Variants in DIP2B observed in about 807,000 individuals in gnomAD.
The protein encoded by DIP2B is DIP2 acetate--CoA ligase B (putative).
A neutral mutation model predicts 198.0 loss-of-function variants in DIP2B; 76 were observed. The ratio of observed to expected loss-of-function variants is 0.38; its 90% confidence interval spans 0.32 to 0.46. The LOEUF is 0.46. Ranked by LOEUF, DIP2B falls within the 20% of genes least tolerant of loss-of-function variation. DIP2B has a pLI of 0.99. For missense variants in DIP2B, 1,559 were observed against 1,978.4 expected, an observed-to-expected ratio of 0.79 and a Z score of 4.02; for synonymous variants, 701 against 739.1, an observed-to-expected ratio of 0.95 and a Z score of 0.84.
intron 1 of DIP2B, among the ~76,000 whole-genome samples, chr12:50,528,263 C>T (rs1958185692): frequency 6.8e-6 from 1 of 147,950 alleles, no homozygotes. Context: ...GATTTAGTGT[C>T]TCAGTGTCCT....
chr12:50,574,701 G>C (rs1253134797), intron 1 of DIP2B, among the ~76,000 whole-genome samples: 1 of 152,232 alleles, frequency 6.6e-6, no homozygotes, highest in Non-Finnish European at 1.5e-5. Context: ...CAGAAGTGAG[G>C]AATGAATGTT....
Position 50,739,570 on chromosome 12 carries a change from C to G in DIP2B, c.4338C>G (p.Leu1446=), listed in dbSNP as rs780581759. ...GYLGFVRRTE[L]TAATGERHDA... is the part of the protein sequence containing the mutation. ...TTGGTTTTGTCCGCCGGACCGAGCTCACAGCGGCCACTGGAGGTACTTCTG... is the reference window on the plus strand; with the variant it reads ...TTGGTTTTGTCCGCCGGACCGAGCTGACAGCGGCCACTGGAGGTACTTCTG... The change falls in exon 36 of 38, where the codon CTC becomes CTG. Residue 1446 remains leucine (L), a synonymous_variant. Transcript: ENST00000301180. 3 of 1,613,864 alleles carry G rather than the reference C, an allele frequency of 1.9e-6. No homozygotes were observed. Among genetic ancestry groups the G allele is most frequent in the Non-Finnish European group, 2.5e-6 (3 of 1,179,806 alleles).
At chr12:50,626,103 G>C in intron 2 of DIP2B, 56 bp downstream of exon 2, 2 of 1,546,598 alleles carry the variant, frequency 1.3e-6, no homozygotes, top group Non-Finnish European at 1.8e-6. Context: ...AAAAGATGCT[G>C]TCTTACAAGA....
chr12:50,565,851 T>C (rs998993001), intron 1 of DIP2B, among the ~76,000 whole-genome samples: 1 of 152,228 alleles, frequency 6.6e-6, no homozygotes, highest in Non-Finnish European at 1.5e-5. Context: ...GATTTACCCC[T>C]TTGGGGTCCT....
At chr12:50,644,147 A>C (rs1052598868) in intron 3 of DIP2B, among the ~76,000 whole-genome samples, 8 of 152,240 alleles carry the variant, frequency 5.3e-5, no homozygotes, top group Non-Finnish European at 1.2e-4. Flanking sequence ...AGTTTAGATT[A>C]TCTGACCTGA....
chr12:50,711,835 C>T (rs1162753941), intron 22 of DIP2B, among the ~76,000 whole-genome samples: 1 of 152,214 alleles, frequency 6.6e-6, no homozygotes, highest in Non-Finnish European at 1.5e-5. Flanking sequence ...GCTGGGATTA[C>T]AGGCGTGAGT....
At chr12:50,615,230 G>C (rs1286950235) in intron 1 of DIP2B, among the ~76,000 whole-genome samples, 1 of 151,842 alleles carries the variant, frequency 6.6e-6, no homozygotes, top group Non-Finnish European at 1.5e-5. Flanking sequence ...AAGCAATAAT[G>C]AAAATTACTT....
intron 14 of DIP2B, among the ~76,000 whole-genome samples, chr12:50,694,509 ATACATACATACATACATACATACATAC>A (rs1939273436): frequency 3.6e-4 from 9 of 24,974 alleles, no homozygotes; most frequent in African/African-American, 6.5e-4. Flanking sequence ...AAATAAATAC[ATACATACATACATACATACATACATAC>A]ATACATACAT....
intron 13 of DIP2B, among the ~76,000 whole-genome samples, chr12:50,691,426 C>T (rs1169818504): frequency 6.6e-6 from 1 of 152,174 alleles, no homozygotes; most frequent in African/African-American, 2.4e-5. Context: ...TGTGGAATGG[C>T]AGGTATCTCC....
intron 2 of DIP2B, among the ~76,000 whole-genome samples, chr12:50,639,234 C>T (rs1295600654): frequency 3.3e-5 from 5 of 151,900 alleles, no homozygotes; most frequent in South Asian, 2.1e-4. Context: ...AGACTACAGG[C>T]GTGAATTTGG....
chr12:50,731,309 C>T, intron 30 of DIP2B, 60 bp from the exon 31 acceptor site: 4 of 1,575,324 alleles, frequency 2.5e-6, no homozygotes, highest in Non-Finnish European at 3.5e-6. Flanking sequence ...TGGTGGGGTT[C>T]TGAAGCATCA....
chr12:50,685,899 G>GAAGTTTGTCTAA lies in DIP2B; in HGVS notation c.1388_1399dup (p.Val463_Lys466dup). 6.2e-7 allele frequency: 1 copy of GAAGTTTGTCTAA among 1,614,008 alleles called. No individual in the cohort carries two copies. The highest frequency in any genetic ancestry group is 8.5e-7 in the Non-Finnish European group (1 of 1,179,906). On this transcript the variant is annotated inframe_insertion, in exon 11 of 38. Coordinates refer to ENST00000301180, the MANE Select transcript of DIP2B (RefSeq NM_173602.3). ...TGGTATTGCCTTAGCTCTTACCAGT[G>GAAGTTTGTCTAA]AAGTTTGTCTAAAAGGACTGCCAAA...
At chr12:50,548,678 A>G (rs1199440337) in intron 1 of DIP2B, among the ~76,000 whole-genome samples, 1 of 152,238 alleles carries the variant, frequency 6.6e-6, no homozygotes, top group South Asian at 2.1e-4. Context: ...GGTACCTGCC[A>G]TTGCGACTGG....
intron 1 of DIP2B, among the ~76,000 whole-genome samples, chr12:50,609,352 G>A (rs1057273402): frequency 1.3e-5 from 2 of 152,212 alleles, no homozygotes; most frequent in African/African-American, 4.8e-5. Flanking sequence ...TTAAGTACAT[G>A]TAGTGAAGAC....
At chr12:50,508,318 T>G (rs1242960023) in intron 1 of DIP2B, among the ~76,000 whole-genome samples, 1 of 152,216 alleles carries the variant, frequency 6.6e-6, no homozygotes, top group Non-Finnish European at 1.5e-5. Flanking sequence ...TCCACATATT[T>G]TATTATATGC....
intron 2 of DIP2B, among the ~76,000 whole-genome samples, chr12:50,632,415 G>T (rs1938075258): frequency 6.9e-6 from 1 of 144,168 alleles, no homozygotes; most frequent in South Asian, 2.2e-4. Flanking sequence ...GGAGATGGAG[G>T]TTGCAGTGAG....
intron 1 of DIP2B, among the ~76,000 whole-genome samples, chr12:50,554,722 C>G (rs1476506147): frequency 1.3e-5 from 2 of 151,950 alleles, no homozygotes; most frequent in East Asian, 1.9e-4. Context: ...TACTTCTTCA[C>G]TTTGGTTGAG....
At chr12:50,597,381 T>C (rs1479972886) in intron 1 of DIP2B, among the ~76,000 whole-genome samples, 1 of 152,234 alleles carries the variant, frequency 6.6e-6, no homozygotes, top group East Asian at 1.9e-4. Context: ...TTCATCTAAA[T>C]AATTTTCTTA....
chr12:50,585,804 G>C (rs765929137), intron 1 of DIP2B, among the ~76,000 whole-genome samples: 21 of 152,232 alleles, frequency 1.4e-4, no homozygotes, highest in Non-Finnish European at 1.9e-4. Context: ...AAGACACAGA[G>C]AGACTCCCCA....
Sources: gnomAD v4.1 joint callset for allele counts (sites outside exome capture counted in the v4.1 genomes callset) on GRCh38, gnomAD v4.1.1 for gene constraint, MANE v1.5 for transcripts, NCBI Gene and HGNC (gene_info 2026-07-23, HGNC 2026-07-21) for gene names.